Variants in BZW1 observed in about 807,000 individuals in gnomAD.
BZW1 encodes basic leucine zipper and W2 domains 1.
In BZW1, 3 loss-of-function variants were observed where a neutral mutation model predicts 54.1. The ratio of observed to expected loss-of-function variants is 0.06; its 90% CI spans 0.03 to 0.14. The LOEUF is 0.14. Ranked by LOEUF, BZW1 falls within the 10% of genes least tolerant of loss-of-function variation. The pLI is 1.00. For synonymous variants in BZW1, 152 were observed against 162.7 expected, an observed-to-expected ratio of 0.93 and a Z score of 0.50; for missense variants, 206 against 491.7, an observed-to-expected ratio of 0.42 and a Z score of 5.50.
chr2:200,816,766 G>A (rs530746225), intron 5 of BZW1, among the ~76,000 whole-genome samples: 5 of 152,294 alleles, frequency 3.3e-5, no homozygotes, highest in Non-Finnish European at 1.5e-5. Context: ...GGGGTTATAG[G>A]TGTGAGCCAA....
At chr2:200,821,085 AG>A in intron 10 of BZW1, 97 bp from the exon 11 acceptor site, 1 of 1,409,642 alleles carries the variant, frequency 7.1e-7, no homozygotes, top group South Asian at 1.3e-5. Flanking sequence ...GCTTTTCAGC[AG>A]TTTGTTTGCT....
In BZW1 at chr2:200,815,722, A is replaced by G; in HGVS notation, c.297A>G (p.Ala99=). ...DMMRTDVCVF[A]AQEDLETMQA... Reference sequence around the variant, plus strand: ...TGCGTACAGATGTCTGCGTGTTTGCAGCCCAAGAAGATCTAGAGACCATGC... The same window carrying G: ...TGCGTACAGATGTCTGCGTGTTTGCGGCCCAAGAAGATCTAGAGACCATGC... Residue 99 remains alanine (A), a synonymous_variant, in exon 4 of 12, where the codon GCA becomes GCG. Transcript: ENST00000409600. 1 of 1,590,436 alleles carries G rather than the reference A, an allele frequency of 6.3e-7. No homozygotes were observed.
intron 1 of BZW1, chr2:200,812,984 G>A (rs372468495): frequency 4.3e-6 from 3 of 690,242 alleles, no homozygotes; most frequent in African/African-American, 3.5e-5. Context: ...GTAGTTCACA[G>A]CACTAATTTG....
rs994908244 is a variant in BZW1, at chr2:200,812,137, C to T, written c.-11+147C>T. 3.7e-5 allele frequency: 37 copies of T among 997,146 alleles called. No individual in the cohort carries two copies. The African/African-American group carries it at 5.5e-4, about 15-fold the overall frequency. The allele number at this position is 997,146 out of a possible 1,614,324, so 61.8% of individuals were successfully genotyped here. On this transcript the variant is annotated intron_variant, in intron 1 of 11. Transcript: ENST00000409600. ...TCTTGAGGCCGGGCCGGATCTAGGG[C>T]CTGAAAGGCCGCCGCTTCGGCAGGG...
chr2:200,824,237 A>G lies in BZW1; in HGVS notation c.*2059A>G, dbSNP rs2038630580. On this transcript the variant is annotated 3_prime_UTR_variant, in exon 12 of 12. Coordinates refer to ENST00000409600, the MANE Select transcript of BZW1 (RefSeq NM_001207067.2). ...GGAATGCTTTATAAAAAGATTGCAG[A>G]TTCCATTCCATATAAAAAGATTCCA... 6.6e-6 allele frequency: 1 copy of G among 152,198 alleles called. No homozygotes were observed. Among genetic ancestry groups the G allele is most frequent in the Admixed American group, 6.5e-5 (1 of 15,282 alleles). The allele number at this position is 152,198 out of a possible 1,614,324, so 9.4% of individuals were successfully genotyped here.
intron 1 of BZW1, chr2:200,812,367 G>GGCC (rs1335890838): frequency 1.8e-5 from 23 of 1,280,906 alleles, no homozygotes; most frequent in South Asian, 2.7e-5. Context: ...CCACCGCTGC[G>GGCC]GCCGCCGCCT....
intron 3 of BZW1, 63 bp downstream of exon 3, chr2:200,815,580 G>A: frequency 6.2e-7 from 1 of 1,601,412 alleles, no homozygotes; most frequent in Middle Eastern, 1.7e-4. Context: ...AGATTATGGA[G>A]AGTCTAGAAT....
chr2:200,816,946 G>A (rs1046426689), intron 5 of BZW1, among the ~76,000 whole-genome samples, 160 bp from the exon 6 acceptor site: 2 of 152,196 alleles, frequency 1.3e-5, no homozygotes, highest in Non-Finnish European at 2.9e-5. Flanking sequence ...TAACTTGCCC[G>A]AGATCATTCA....
intron 1 of BZW1, 42 bp downstream of exon 1, chr2:200,812,032 G>A (rs1216504373): frequency 2.5e-6 from 1 of 402,548 alleles, no homozygotes. Context: ...GACGCTGCGG[G>A]TCGTGGACGC....
chr2:200,812,610 G>A, intron 1 of BZW1: 2 of 1,362,904 alleles, frequency 1.5e-6, no homozygotes, highest in Non-Finnish European at 1.9e-6. Context: ...TGTGGATTGG[G>A]AGACACGTTA....
At chr2:200,812,731 C>T (rs2270281) in intron 1 of BZW1, 473,477 of 745,132 alleles carry the variant, frequency 0.64, 156,194 homozygotes, top group Non-Finnish European at 0.72. Context: ...CAGGCATGAC[C>T]TAGGGTAGGA....
At chr2:200,813,777 A>G (rs575983232) in intron 2 of BZW1, among the ~76,000 whole-genome samples, 1 of 149,194 alleles carries the variant, frequency 6.7e-6, no homozygotes, top group Non-Finnish European at 1.5e-5. Context: ...TTATATTACT[A>G]TTTTTTTTTT....
chr2:200,817,946 C>T (rs1163334841), intron 6 of BZW1, 28 bp from the exon 7 acceptor site: 1 of 1,466,888 alleles, frequency 6.8e-7, no homozygotes, highest in Non-Finnish European at 9.3e-7. Flanking sequence ...GAAGGTACTT[C>T]TGTTAATTAA....
chr2:200,816,539 G>A (rs1184997510), intron 5 of BZW1, 149 bp downstream of exon 5: 2 of 496,448 alleles, frequency 4.0e-6, no homozygotes, highest in Non-Finnish European at 6.9e-6. Context: ...GTCCCAGGCT[G>A]GGGGTGCAGT....
Position 200,815,775 on chromosome 2 carries a change from T to C in BZW1, c.336+14T>C, listed in dbSNP as rs748304934. The C allele has an allele frequency of 1.3e-6, 2 of 1,525,868 alleles. No individual in the cohort carries two copies. Among genetic ancestry groups the C allele is most frequent in the Admixed American group, 2.3e-5 (1 of 43,748 alleles). The allele number at this position is 1,525,868 out of a possible 1,614,324, so 94.5% of individuals were successfully genotyped here. A position where few individuals can be genotyped will look rare whatever the true frequency, so the allele number is the denominator to read the frequency against. On this transcript the variant is annotated intron_variant, in intron 4 of 11. Coordinates refer to ENST00000409600, the MANE Select transcript of BZW1 (RefSeq NM_001207067.2). ...GCATTTGCTCAGGTAAATGAAACTT[T>C]ACATAATTGTTTTCAGTTGGCTACT...
chr2:200,822,272 G>C lies in BZW1; in HGVS notation c.*94G>C. 1.8e-6 allele frequency: 2 copies of C among 1,111,274 alleles called. No homozygotes were observed. The highest frequency in any genetic ancestry group is 2.6e-6 in the Non-Finnish European group (2 of 759,660). 68.8% of individuals were successfully genotyped at this position (1,111,274 alleles called of 1,614,324 possible). On this transcript the variant is annotated 3_prime_UTR_variant, in exon 12 of 12. Transcript: ENST00000409600. ...GGTTCTTACATCTTCCTACCTCCCT[G>C]TATCAAGCATGATATAAGGGCTTTC...
intron 9 of BZW1, 35 bp downstream of exon 9, chr2:200,818,936 C>A: frequency 6.6e-7 from 1 of 1,520,958 alleles, no homozygotes; most frequent in Non-Finnish European, 8.8e-7. Context: ...ACAAACTATT[C>A]TGCTTTCACG....
chr2:200,814,987 G>T (rs552626751), intron 2 of BZW1, among the ~76,000 whole-genome samples: 3 of 152,314 alleles, frequency 2.0e-5, no homozygotes, highest in African/African-American at 7.2e-5. Context: ...TTAAGGAAAA[G>T]GATCAAGAGC....
intron 10 of BZW1, 157 bp downstream of exon 10, chr2:200,820,277 T>C: frequency 1.7e-6 from 1 of 598,616 alleles, no homozygotes; most frequent in Non-Finnish European, 2.8e-6. Flanking sequence ...TTTAGTGCAC[T>C]GATACTTGTT....
Sources: allele counts gnomAD v4.1 joint callset (sites outside exome capture counted in the v4.1 genomes callset), GRCh38; gene constraint gnomAD v4.1.1; transcripts MANE v1.5; gene names NCBI Gene and HGNC (gene_info 2026-07-23, HGNC 2026-07-21).